The following DAPK2 variants were observed in gnomAD, a reference collection of about 807,000 sequenced individuals.
DAPK2 encodes death associated protein kinase 2, also known as death-associated protein kinase 2.
DAPK2 carries 35 observed loss-of-function variants against 44.1 expected under a neutral mutation model. That is an observed-to-expected ratio of 0.79 (90% CI 0.61 to 1.05). The LOEUF is 1.05. Ranked by LOEUF, DAPK2 falls within the 50% of genes least tolerant of loss-of-function variation. DAPK2 has a pLI of 0.00. For synonymous variants in DAPK2, 174 were observed against 182.6 expected (o/e 0.95, Z 0.38); for missense variants, 453 against 483.2 (o/e 0.94, Z 0.59).
At chr15:64,028,045 T>TCTATCTAC (rs140928222) in intron 1 of DAPK2, among the ~76,000 whole-genome samples, 84,817 of 151,806 alleles carry the variant, frequency 0.56, 24,459 homozygotes, top group East Asian at 0.78. Context: ...TATCTATCTA[T>TCTATCTAC]CTATCTATCT....
chr15:64,016,523 A>G (rs905108691), intron 1 of DAPK2, among the ~76,000 whole-genome samples: 3 of 152,196 alleles, frequency 2.0e-5, no homozygotes, highest in East Asian at 1.9e-4. Flanking sequence ...GCTGGGTGCA[A>G]TGTCTCAAGC....
chr15:63,950,925 C>T (rs750372055), intron 3 of DAPK2, among the ~76,000 whole-genome samples: 59 of 152,154 alleles, frequency 3.9e-4, no homozygotes, highest in Non-Finnish European at 7.2e-4. Context: ...GACAGCTTGG[C>T]CAGCAGACTT....
At chr15:63,930,587 A>G in intron 4 of DAPK2, 132 bp from the exon 6 acceptor site, 1 of 799,298 alleles carries the variant, frequency 1.3e-6, no homozygotes, top group Non-Finnish European at 2.1e-6. Flanking sequence ...CAGCAGATAA[A>G]GGTGATCTGC....
chr15:63,916,923 G>C lies in DAPK2; in HGVS notation c.859-4726C>G, dbSNP rs2078943046. 1.3e-5 allele frequency: 2 copies of C among 152,260 alleles called. No individual in the cohort carries two copies. The highest frequency in any genetic ancestry group is 2.9e-5 in the Non-Finnish European group (2 of 68,066). The allele number at this position is 152,260 out of a possible 1,614,324, so 9.4% of individuals were successfully genotyped here. On this transcript the variant is annotated intron_variant, in intron 8 of 10. Coordinates refer to ENST00000261891, the Ensembl canonical transcript of DAPK2. The surrounding 1 kb of genome is among the most constrained non-coding windows in gnomAD (Gnocchi z 4.7). ...AGCAACCAAATGCCACATGTGGACTGTTTGGATCCTGATTTGAACAAACCA... is the reference window on the plus strand; with the variant it reads ...AGCAACCAAATGCCACATGTGGACTCTTTGGATCCTGATTTGAACAAACCA...
rs867137886 is a variant in DAPK2 at position 63,912,281 on chromosome 15, G to T, written c.859-84C>A. ...CTCGCCGCAGAACTCCCCACCCACCGCATGCCCACCGCCCTTGGCTTGACC... is the reference window on the plus strand; with the variant it reads ...CTCGCCGCAGAACTCCCCACCCACCTCATGCCCACCGCCCTTGGCTTGACC... On this transcript the variant is annotated intron_variant, in intron 8 of 10. Coordinates refer to ENST00000261891, the Ensembl canonical transcript of DAPK2. This position sits in a 1 kb window ranked among gnomAD's most constrained non-coding sequence, Gnocchi z 4.4. 1.5e-6 allele frequency: 2 copies of T among 1,371,656 alleles called. No individual in the cohort carries two copies. The highest frequency in any genetic ancestry group is 1.2e-5 in the South Asian group (1 of 82,474). 85.0% of individuals were successfully genotyped at this position (1,371,656 alleles called of 1,614,324 possible). A position where few individuals can be genotyped will look rare whatever the true frequency, so the allele number is the denominator to read the frequency against.
chr15:63,935,674 G>A (rs745405169), intron 4 of DAPK2: 4 of 152,124 alleles, frequency 2.6e-5, no homozygotes, highest in Non-Finnish European at 5.9e-5. Context: ...ATGCAGTTCT[G>A]AAAATTCTCA....
intron 1 of DAPK2, among the ~76,000 whole-genome samples, chr15:64,022,610 G>A (rs1356061655): frequency 2.0e-5 from 3 of 152,182 alleles, no homozygotes; most frequent in Non-Finnish European, 4.4e-5. Context: ...GAGCCCGGAA[G>A]GTTAAGACCA....
At chr15:63,930,937 T>C (rs1284135714) in intron 4 of DAPK2, among the ~76,000 whole-genome samples, 4 of 152,070 alleles carry the variant, frequency 2.6e-5, no homozygotes, top group African/African-American at 9.7e-5. Flanking sequence ...GGCACATGTC[T>C]GCAGTCCCAG....
At chr15:63,932,165 T>A (rs7175044) in intron 4 of DAPK2, among the ~76,000 whole-genome samples, 123,121 of 136,960 alleles carry the variant, frequency 0.9, 55,409 homozygotes, top group East Asian at 1. Context: ...AGACCCTGTT[T>A]AAAAAAAAAA....
In DAPK2 at chr15:63,958,639, G is replaced by A. The variant is rs2077796098; in HGVS notation, c.453+12784C>T. ...CTTTCCCCATTTCTTGTTTTTGTCA[G>A]GTTTGTCAAAGATCAGATGGTTGTA... is the stretch of plus-strand genomic sequence containing the variant. On this transcript the variant is annotated intron_variant, in intron 3 of 10. Transcript: ENST00000261891. 2.6e-5 allele frequency among the ~76,000 whole-genome samples: 4 copies of A among 152,122 alleles called. No homozygotes were observed. The South Asian group carries it at 8.3e-4, about 32-fold the overall frequency.
rs531716693 is a variant in DAPK2 at position 63,925,683 on chromosome 15, C to T, written c.812+258G>A. On this transcript the variant is annotated intron_variant, in intron 7 of 10. Transcript: ENST00000261891. ...AACCCAGGCTGACTTGTAGCGCACA[C>T]ACACACACACACACACACACACACA... Among the ~76,000 whole-genome samples the T allele has an allele frequency of 3.8e-5, 4 of 104,916 alleles. No individual in the cohort carries two copies. The East Asian group carries it at 8.7e-4, about 23-fold the overall frequency. The allele number at this position is 104,916 out of a possible 152,430, so 68.8% of individuals were successfully genotyped here.
intron 5 of DAPK2, 124 bp from the exon 7 acceptor site, chr15:63,929,701 T>C: frequency 8.9e-7 from 1 of 1,127,388 alleles, no homozygotes; most frequent in Non-Finnish European, 1.3e-6. Context: ...CTGGATGCCG[T>C]CTCATGCTCC....
At chr15:64,037,751 C>T (rs980160726) in intron 1 of DAPK2, among the ~76,000 whole-genome samples, 1 of 152,160 alleles carries the variant, frequency 6.6e-6, no homozygotes, top group Admixed American at 6.5e-5. Flanking sequence ...TCTGAGCCTC[C>T]ATTTCCTCAA....
At chr15:63,972,504 A>C (rs1045441233) in intron 2 of DAPK2, among the ~76,000 whole-genome samples, 1 of 152,232 alleles carries the variant, frequency 6.6e-6, no homozygotes, top group Non-Finnish European at 1.5e-5. Flanking sequence ...CCATTCTGAT[A>C]ATGTCTCAGA....
rs1210389028 is a variant in DAPK2, at chr15:63,912,024, G to A, written c.949-33C>T. The A allele has an allele frequency of 3.7e-6, 6 of 1,609,034 alleles. No individual in the cohort carries two copies. The highest frequency in any genetic ancestry group is 1.3e-5 in the African/African-American group (1 of 74,836). ...AGGCAGAGGAAAGGAATCCCCAGGT[G>A]AGAATGTGCATGGAGACCCTGGAGA... On this transcript the variant is annotated intron_variant, in intron 9 of 10. Coordinates refer to ENST00000261891, the Ensembl canonical transcript of DAPK2. This position sits in a 1 kb window ranked among gnomAD's most constrained non-coding sequence, Gnocchi z 4.4.
In DAPK2 at chr15:64,033,467, C is replaced by G. The variant is rs535507530; in HGVS notation, c.92+6703G>C. 5.9e-5 allele frequency among the ~76,000 whole-genome samples: 9 copies of G among 152,172 alleles called. No individual in the cohort carries two copies. The East Asian group carries it at 1.7e-3, about 29-fold the overall frequency. Reference sequence around the variant, plus strand: ...AAAAAACCATTGACCCAAAATAAGTCTCACAGATCTACCTGCACTGCTATA... The same window carrying G: ...AAAAAACCATTGACCCAAAATAAGTGTCACAGATCTACCTGCACTGCTATA... On this transcript the variant is annotated intron_variant, in intron 1 of 10. Transcript: ENST00000261891.
intron 4 of DAPK2, among the ~76,000 whole-genome samples, chr15:63,934,732 T>C (rs958121606): frequency 4.6e-5 from 7 of 152,090 alleles, no homozygotes; most frequent in African/African-American, 7.2e-5. Flanking sequence ...TAATTTTTTG[T>C]ATTTTTAGTA....
intron 1 of DAPK2, among the ~76,000 whole-genome samples, chr15:64,017,580 G>T (rs2079564701): frequency 6.6e-6 from 1 of 152,238 alleles, no homozygotes; most frequent in African/African-American, 2.4e-5. Context: ...CTGGTCTGGA[G>T]TCAGAAAGCC....
upstream of DAPK2, chr15:64,040,344 A>T: frequency 9.0e-7 from 1 of 1,113,570 alleles, no homozygotes; most frequent in African/African-American, 1.5e-5. Context: ...CCTAAACGTA[A>T]TTGGCTGCAA....
Sources: gnomAD v4.1 joint callset for allele counts (sites outside exome capture counted in the v4.1 genomes callset) on GRCh38, gnomAD v4.1.1 for gene constraint, Gnocchi (gnomAD v3.1) non-coding constraint, MANE v1.5 for transcripts, NCBI Gene and HGNC (gene_info 2026-07-23, HGNC 2026-07-21) for gene names.